Variants in DLGAP1 observed in about 807,000 individuals in gnomAD.
The protein encoded by DLGAP1 is disks large-associated protein 1.
In DLGAP1, 11 loss-of-function variants were observed where a neutral mutation model predicts 90.8. The ratio of observed to expected loss-of-function variants is 0.12; its 90% CI spans 0.08 to 0.20. The LOEUF (loss-of-function observed/expected upper bound fraction) is 0.20. Among genes scored for constraint, DLGAP1 ranks in the 10% least tolerant of loss-of-function variants. DLGAP1 has a pLI of 1.00. For synonymous variants in DLGAP1, 558 were observed against 540.7 expected, an observed-to-expected ratio of 1.03 and a Z score of -0.44; for missense variants, 1,050 against 1,333.8, an observed-to-expected ratio of 0.79 and a Z score of 3.31.
At chr18:4,375,620 T>C (rs11877968) in intron 1 of DLGAP1, among the ~76,000 whole-genome samples, 3,503 of 152,226 alleles carry the variant, frequency 0.023, 67 homozygotes, top group African/African-American at 0.05. Context: ...ATTGATTTGA[T>C]TTCAACATTA....
intron 1 of DLGAP1, among the ~76,000 whole-genome samples, chr18:4,291,039 C>T (rs1040989238): frequency 6.6e-6 from 1 of 152,006 alleles, no homozygotes; most frequent in East Asian, 1.9e-4. Flanking sequence ...ATAGGAAGAC[C>T]TTAGAATCTA....
chr18:3,529,774 G>T (rs542723844), intron 10 of DLGAP1, among the ~76,000 whole-genome samples: 1 of 152,148 alleles, frequency 6.6e-6, no homozygotes, highest in Non-Finnish European at 1.5e-5. Context: ...AACAAATTAG[G>T]CCTGGAACAA....
intron 5 of DLGAP1, among the ~76,000 whole-genome samples, chr18:3,772,801 G>A (rs141316170): frequency 6.6e-6 from 1 of 152,070 alleles, no homozygotes; most frequent in East Asian, 1.9e-4. Context: ...CTTCAGACCC[G>A]CTAAATTAGC....
In DLGAP1 at chr18:4,190,733, C is replaced by T. The variant is rs192624203; in HGVS notation, c.-266-39446G>A. Reference sequence around the variant, plus strand: ...AGTATATAGTTTTGCTTGCTTAACCCGTTATGATTTTCCAATGAGTTCTTG... The same window carrying T: ...AGTATATAGTTTTGCTTGCTTAACCTGTTATGATTTTCCAATGAGTTCTTG... On this transcript the variant is annotated intron_variant, in intron 1 of 12. Transcript: ENST00000315677. Among the ~76,000 whole-genome samples, 68 of 152,036 alleles carry T rather than the reference C, an allele frequency of 4.5e-4. 1 individual carries two copies. In the East Asian group the frequency reaches 0.012, roughly 26 times the overall value.
At chr18:4,006,072 T>C (rs572119623) in intron 2 of DLGAP1, among the ~76,000 whole-genome samples, 130 of 152,320 alleles carry the variant, frequency 8.5e-4, no homozygotes, top group African/African-American at 2.8e-3. Flanking sequence ...ATGACAACAC[T>C]GAGGCCAAGA....
intron 9 of DLGAP1, among the ~76,000 whole-genome samples, chr18:3,560,286 G>C (rs959129385): frequency 6.6e-6 from 1 of 152,032 alleles, no homozygotes; most frequent in South Asian, 2.1e-4. Context: ...GGGTGTGGTG[G>C]TGTGTGCCTG....
chr18:4,418,942 T>A (rs2082966973), intron 1 of DLGAP1, among the ~76,000 whole-genome samples: 1 of 151,710 alleles, frequency 6.6e-6, no homozygotes, highest in Non-Finnish European at 1.5e-5. Context: ...ATATTCAAAC[T>A]GCTAAAAACA....
chr18:3,863,668 T>C (rs4798138), intron 4 of DLGAP1, among the ~76,000 whole-genome samples: 63,252 of 152,118 alleles, frequency 0.42, 16,102 homozygotes, highest in Non-Finnish European at 0.57. Flanking sequence ...ATGGATGCGA[T>C]GTGAATCTGA....
chr18:3,733,438 G>C (rs912400383), intron 6 of DLGAP1, among the ~76,000 whole-genome samples: 1 of 152,268 alleles, frequency 6.6e-6, no homozygotes, highest in African/African-American at 2.4e-5. Context: ...TCGAGATTCT[G>C]GGTAGGTGCT....
intron 10 of DLGAP1, among the ~76,000 whole-genome samples, chr18:3,516,840 A>G (rs1385616515): frequency 1.3e-5 from 2 of 152,178 alleles, no homozygotes; most frequent in African/African-American, 4.8e-5. Flanking sequence ...CCCTCCCACA[A>G]CATATGGGAA....
At position 4,038,234 on chromosome 18, in the gene DLGAP1, G is replaced by C. The variant is rs150276991; in HGVS notation, c.-158-33033C>G. On this transcript the variant is annotated intron_variant, in intron 2 of 12. Coordinates refer to ENST00000315677, the MANE Select transcript of DLGAP1 (RefSeq NM_004746.4). ...CAACATTAAGTAATGATTTAAACAT[G>C]TATTAACTTCACTCATTCAGTTGAT... 4.8e-3 allele frequency among the ~76,000 whole-genome samples: 725 copies of C among 152,338 alleles called. 3 individuals are homozygous for C. The highest frequency in any genetic ancestry group is 7.7e-3 in the Non-Finnish European group (522 of 68,028).
rs1370656365 is a variant in DLGAP1 at position 3,729,468 on chromosome 18, AAGC to A, written c.1351-96_1351-94del. 149 of 1,506,952 alleles carry A rather than the reference AAGC, an allele frequency of 9.9e-5. No individual in the cohort carries two copies. Among genetic ancestry groups the A allele is most frequent in the Non-Finnish European group, 1.3e-4 (143 of 1,119,100 alleles). 93.3% of individuals were successfully genotyped at this position (1,506,952 alleles called of 1,614,324 possible). ...TGCGAACTTCAATCCCCAGAAGAAAAAGCAGCGTCTGGTTAGATTAAGCTCAAA... is the reference window on the plus strand; with the variant it reads ...TGCGAACTTCAATCCCCAGAAGAAAAAGCGTCTGGTTAGATTAAGCTCAAA... On this transcript the variant is annotated intron_variant, in intron 6 of 12. Transcript: ENST00000315677. The surrounding 1 kb of genome is among the most constrained non-coding windows in gnomAD (Gnocchi z 6.2).
rs769307108 is a variant in DLGAP1 at position 3,880,033 on chromosome 18, G to A, written c.36C>T (p.His12=). The change falls in exon 4 of 13, where the codon CAC becomes CAT. Residue 12 remains histidine (H), a synonymous_variant. Transcript: ENST00000315677. ...KGLSGSRSHH[H]GVTCDSACDS... Reference sequence around the variant, plus strand: ...CACAGGCCGAGTCGCAGGTGACCCCGTGGTGATGGCTGCGGCTGCCTGATA... The same window carrying A: ...CACAGGCCGAGTCGCAGGTGACCCCATGGTGATGGCTGCGGCTGCCTGATA... 5.6e-6 allele frequency: 9 copies of A among 1,606,246 alleles called. No individual in the cohort carries two copies. The highest frequency in any genetic ancestry group is 4.5e-5 in the East Asian group (2 of 44,866).
At chr18:4,334,235 TCAAACAAACAAA>T (rs574085986) in intron 1 of DLGAP1, among the ~76,000 whole-genome samples, 1 of 151,536 alleles carries the variant, frequency 6.6e-6, no homozygotes, top group Non-Finnish European at 1.5e-5. Context: ...TGAAACTCCA[TCAAACAAACAAA>T]CAAACAAACA....
intron 3 of DLGAP1, among the ~76,000 whole-genome samples, chr18:3,984,458 C>A (rs897301936): frequency 1.3e-5 from 2 of 152,166 alleles, no homozygotes; most frequent in Non-Finnish European, 2.9e-5. Flanking sequence ...TGCCTTGAGA[C>A]TGCTTCACTT....
chr18:3,578,317 T>G (rs2145322599), intron 8 of DLGAP1, among the ~76,000 whole-genome samples: 1 of 152,294 alleles, frequency 6.6e-6, no homozygotes, highest in South Asian at 2.1e-4. Context: ...CATTTAAATT[T>G]GATTTCTGTA....
intron 1 of DLGAP1, among the ~76,000 whole-genome samples, chr18:4,323,167 A>G (rs1341989176): frequency 6.6e-6 from 1 of 152,170 alleles, no homozygotes; most frequent in Non-Finnish European, 1.5e-5. Context: ...AAACATTCCT[A>G]TAGTAAATAG....
chr18:3,858,503 C>T (rs7504947), intron 4 of DLGAP1, among the ~76,000 whole-genome samples: 3 of 147,706 alleles, frequency 2.0e-5, no homozygotes, highest in South Asian at 2.1e-4. Flanking sequence ...TGTATATATA[C>T]ATATATATAC....
intron 4 of DLGAP1, chr18:3,874,615 C>T (rs1399003969): frequency 2.6e-6 from 4 of 1,534,308 alleles, no homozygotes; most frequent in Non-Finnish European, 3.5e-6. Context: ...AGCACTTACC[C>T]TGAGATGTGC....
Sources: gnomAD v4.1 joint callset for allele counts (sites outside exome capture counted in the v4.1 genomes callset) on GRCh38, gnomAD v4.1.1 for gene constraint, Gnocchi (gnomAD v3.1) non-coding constraint, MANE v1.5 for transcripts, NCBI Gene and HGNC (gene_info 2026-07-23, HGNC 2026-07-21) for gene names.